The following UBE2L3 variants were observed in gnomAD, a reference collection of about 807,000 sequenced individuals.
UBE2L3 encodes ubiquitin conjugating enzyme E2 L3.
In UBE2L3, 1 loss-of-function variant was observed where a neutral mutation model predicts 17.8. That is an observed-to-expected ratio of 0.06 (90% CI 0.02 to 0.27). The LOEUF is 0.27. Ranked by LOEUF, UBE2L3 falls within the 10% of genes least tolerant of loss-of-function variation. UBE2L3 has a pLI of 1.00. For synonymous variants in UBE2L3, 44 were observed against 68.5 expected, an observed-to-expected ratio of 0.64 and a Z score of 1.76; for missense variants, 40 against 192.6, an observed-to-expected ratio of 0.21 and a Z score of 4.69.
In UBE2L3 at chr22:21,590,488, G is replaced by A. The variant is rs1928196298; in HGVS notation, c.28-2373G>A. ...GTTGGGATTACAGGCGTGAGCCAACGCACTCAGCCATCACCCATACTTTAT... is the reference window on the plus strand; with the variant it reads ...GTTGGGATTACAGGCGTGAGCCAACACACTCAGCCATCACCCATACTTTAT... On this transcript the variant is annotated intron_variant, in intron 1 of 3. Coordinates refer to ENST00000342192, the MANE Select transcript of UBE2L3 (RefSeq NM_003347.4). 4.6e-5 allele frequency among the ~76,000 whole-genome samples: 7 copies of A among 152,188 alleles called. No individual in the cohort carries two copies. The South Asian group carries it at 1.0e-3, about 22-fold the overall frequency.
At chr22:21,575,677 C>T in intron 1 of UBE2L3, among the ~76,000 whole-genome samples, 1 of 103,124 alleles carries the variant, frequency 9.7e-6, no homozygotes, top group African/African-American at 4.1e-5. Context: ...GAGTCTCACT[C>T]TGTCACCCAG....
At chr22:21,599,047 G>T (rs1254864268) in intron 2 of UBE2L3, among the ~76,000 whole-genome samples, 1 of 152,076 alleles carries the variant, frequency 6.6e-6, no homozygotes, top group South Asian at 2.1e-4. Context: ...TCGCCATGTT[G>T]GCCAGGCTGG....
intron 3 of UBE2L3, among the ~76,000 whole-genome samples, chr22:21,619,629 A>G (rs1483998283): frequency 6.6e-6 from 1 of 152,198 alleles, no homozygotes; most frequent in Non-Finnish European, 1.5e-5. Flanking sequence ...TGTGGCCCTC[A>G]CTTAATGTGT....
chr22:21,610,395 T>C lies in UBE2L3; in HGVS notation c.124-462T>C, dbSNP rs118065140. On this transcript the variant is annotated intron_variant, in intron 2 of 3. Transcript: ENST00000342192. ...ATAACCACACAAAACCTATAGAATG[T>C]GCAACACCAAGTATGAGCCCTAACA... 9.9e-4 allele frequency among the ~76,000 whole-genome samples: 151 copies of C among 152,350 alleles called. 3 individuals carry two copies. The East Asian group carries it at 0.028, about 28-fold the overall frequency.
upstream of UBE2L3, among the ~76,000 whole-genome samples, chr22:21,562,813 C>A (rs554125497): frequency 6.6e-6 from 1 of 150,524 alleles, no homozygotes; most frequent in South Asian, 2.2e-4. Flanking sequence ...CCCTGTGTAT[C>A]TGTTTTTCTG....
intron 1 of UBE2L3, among the ~76,000 whole-genome samples, chr22:21,556,563 G>A (rs1387982642): frequency 8.6e-5 from 13 of 151,960 alleles, no homozygotes; most frequent in African/African-American, 3.1e-4. Flanking sequence ...CCGAGTAGCT[G>A]TGACTACAGG....
chr22:21,613,808 G>A (rs774135815), intron 3 of UBE2L3, among the ~76,000 whole-genome samples: 5 of 152,122 alleles, frequency 3.3e-5, no homozygotes, highest in East Asian at 3.9e-4. Flanking sequence ...GCACATGTGC[G>A]GAAATGGTAT....
At chr22:21,602,159 AG>A (rs1250393418) in intron 2 of UBE2L3, among the ~76,000 whole-genome samples, 1 of 152,172 alleles carries the variant, frequency 6.6e-6, no homozygotes, top group African/African-American at 2.4e-5. Context: ...GGTTAGCCAC[AG>A]GGAAAGGATG....
upstream of UBE2L3, among the ~76,000 whole-genome samples, chr22:21,564,348 T>C (rs1926560269): frequency 6.6e-6 from 1 of 152,156 alleles, no homozygotes; most frequent in Admixed American, 6.5e-5. Context: ...GATGGGAGGC[T>C]TGGGCAGATG....
At chr22:21,564,741 CAGCGTA>C (rs1008640076), upstream of UBE2L3, among the ~76,000 whole-genome samples, 7 of 152,334 alleles carry the variant, frequency 4.6e-5, no homozygotes, top group Admixed American at 3.9e-4. Context: ...TGGAATTTCT[CAGCGTA>C]AGCGTCCCCT....
chr22:21,580,145 C>T (rs1927543382), intron 1 of UBE2L3, among the ~76,000 whole-genome samples: 1 of 152,188 alleles, frequency 6.6e-6, no homozygotes, highest in South Asian at 2.1e-4. Flanking sequence ...CTGCTCTGTC[C>T]GTTTCTAATG....
At chr22:21,575,824 A>G (rs1927258521) in intron 1 of UBE2L3, among the ~76,000 whole-genome samples, 2 of 150,284 alleles carry the variant, frequency 1.3e-5, no homozygotes, top group African/African-American at 4.9e-5. Context: ...TTGTATTTTT[A>G]GTAGAGACGG....
chr22:21,600,901 G>T (rs1252232759), intron 2 of UBE2L3, among the ~76,000 whole-genome samples: 1 of 152,124 alleles, frequency 6.6e-6, no homozygotes, highest in African/African-American at 2.4e-5. Context: ...GGGACGTGGT[G>T]GCTGACACCT....
At chr22:21,584,684 G>A (rs944802384) in intron 1 of UBE2L3, among the ~76,000 whole-genome samples, 8 of 150,394 alleles carry the variant, frequency 5.3e-5, no homozygotes, top group African/African-American at 1.7e-4. Context: ...TTCCCGCTTC[G>A]GCAACCCAAA....
intron 1 of UBE2L3, among the ~76,000 whole-genome samples, chr22:21,574,742 G>A (rs1048192953): frequency 3.9e-5 from 6 of 152,126 alleles, no homozygotes; most frequent in African/African-American, 9.7e-5. Context: ...CGAGGTGGGC[G>A]GATCATGAGG....
chr22:21,589,106 C>G (rs1183027995), intron 1 of UBE2L3, among the ~76,000 whole-genome samples: 1 of 140,360 alleles, frequency 7.1e-6, no homozygotes. Flanking sequence ...AATTTATCTT[C>G]TTGAAGTTGT....
At chr22:21,588,571 AGGT>A (rs1016539093) in intron 1 of UBE2L3, among the ~76,000 whole-genome samples, 31 of 149,592 alleles carry the variant, frequency 2.1e-4, no homozygotes, top group South Asian at 2.1e-4. Context: ...GCCAGGGCTC[AGGT>A]GATTCTTCCG....
chr22:21,620,077 C>G (rs1301655985), intron 3 of UBE2L3, among the ~76,000 whole-genome samples: 3 of 152,080 alleles, frequency 2.0e-5, no homozygotes, highest in Non-Finnish European at 4.4e-5. Context: ...TAGGATCACT[C>G]AAGCCCAGGA....
At chr22:21,562,796 C>T (rs369536082), upstream of UBE2L3, among the ~76,000 whole-genome samples, 2 of 151,346 alleles carry the variant, frequency 1.3e-5, no homozygotes, top group African/African-American at 4.8e-5. Context: ...TGAGCCACCG[C>T]GCCTGGCCCT....
Sources: gnomAD v4.1 joint callset for allele counts (sites outside exome capture counted in the v4.1 genomes callset) on GRCh38, gnomAD v4.1.1 for gene constraint, MANE v1.5 for transcripts, NCBI Gene and HGNC (gene_info 2026-07-23, HGNC 2026-07-21) for gene names.